C12orf54: variants seen among roughly 807,000 people sequenced by gnomAD.
The protein encoded by C12orf54 is chromosome 12 open reading frame 54.
A neutral mutation model predicts 26.4 loss-of-function variants in C12orf54; 24 were observed. That is an observed-to-expected ratio of 0.91 (90% CI 0.66 to 1.28). C12orf54 has a LOEUF of 1.28. Among genes scored for constraint, C12orf54 ranks in the 50% most tolerant of loss-of-function variants. The pLI, the probability that C12orf54 is intolerant of heterozygous loss-of-function variation, is 0.00. For missense variants in C12orf54, 154 were observed against 150.9 expected, an observed-to-expected ratio of 1.02 and a Z score of -0.11; for synonymous variants, 54 against 47.0, an observed-to-expected ratio of 1.15 and a Z score of -0.61.
chr12:48,473,899 G>C, the C12orf54 span, among the ~76,000 whole-genome samples: 1 of 152,138 alleles, frequency 6.6e-6, no homozygotes, highest in Non-Finnish European at 1.5e-5. Flanking sequence ...ACCCTGGTTT[G>C]TAAATAGCAA....
the C12orf54 span, among the ~76,000 whole-genome samples, chr12:48,475,198 A>C: frequency 1.1e-4 from 17 of 152,362 alleles, no homozygotes; most frequent in Admixed American, 1.0e-3. Flanking sequence ...TGTCTGTTAG[A>C]AGGAAAACTA....
At chr12:48,456,717 T>A in the C12orf54 span, among the ~76,000 whole-genome samples, 2 of 152,202 alleles carry the variant, frequency 1.3e-5, no homozygotes, top group Non-Finnish European at 2.9e-5. Context: ...AGCCCATTAG[T>A]GCTGTGTTAT....
the C12orf54 span, among the ~76,000 whole-genome samples, chr12:48,432,313 A>G: frequency 6.6e-6 from 1 of 152,220 alleles, no homozygotes. Flanking sequence ...GTAGTCCTCA[A>G]TAGAAGCAGA....
intron 6 of C12orf54, among the ~76,000 whole-genome samples, chr12:48,491,265 A>G (rs1323490904): frequency 6.6e-6 from 1 of 152,234 alleles, no homozygotes; most frequent in Admixed American, 6.5e-5. Context: ...CCCAGTTCAT[A>G]GACAACCAAC....
chr12:48,414,027 T>G, the C12orf54 span, among the ~76,000 whole-genome samples: 1 of 152,232 alleles, frequency 6.6e-6, no homozygotes, highest in Non-Finnish European at 1.5e-5. Context: ...ATCTTAGCCT[T>G]TTGTCCAAAA....
At chr12:48,479,434 G>A (rs1954176099), upstream of C12orf54, among the ~76,000 whole-genome samples, 1 of 151,996 alleles carries the variant, frequency 6.6e-6, no homozygotes, top group Non-Finnish European at 1.5e-5. Context: ...AATGGGTGCA[G>A]CACACCAACA....
chr12:48,476,457 G>T, the C12orf54 span, among the ~76,000 whole-genome samples: 1 of 152,122 alleles, frequency 6.6e-6, no homozygotes, highest in African/African-American at 2.4e-5. Flanking sequence ...TGGCAAATTG[G>T]ATAAAGAGTC....
the C12orf54 span, among the ~76,000 whole-genome samples, chr12:48,434,490 A>G: frequency 6.6e-6 from 1 of 152,202 alleles, no homozygotes; most frequent in South Asian, 2.1e-4. Context: ...ACCCCCAAGT[A>G]GCCTAACTAG....
chr12:48,447,060 C>T, the C12orf54 span, among the ~76,000 whole-genome samples: 1 of 152,152 alleles, frequency 6.6e-6, no homozygotes, highest in Non-Finnish European at 1.5e-5. Flanking sequence ...AAAGGATTTA[C>T]TACTGGCACA....
the C12orf54 span, among the ~76,000 whole-genome samples, chr12:48,474,623 C>T: frequency 2.6e-5 from 4 of 152,240 alleles, no homozygotes; most frequent in Non-Finnish European, 5.9e-5. Context: ...GGTCCTACGC[C>T]CACAGAGTCT....
chr12:48,427,607 G>T, the C12orf54 span, among the ~76,000 whole-genome samples: 2 of 152,076 alleles, frequency 1.3e-5, no homozygotes, highest in East Asian at 3.9e-4. Context: ...AAGTGGCCTT[G>T]TCCAACAGGA....
At chr12:48,460,008 T>G in the C12orf54 span, among the ~76,000 whole-genome samples, 1 of 152,186 alleles carries the variant, frequency 6.6e-6, no homozygotes, top group Non-Finnish European at 1.5e-5. Context: ...TAATCTTGTC[T>G]GGTCAAACTG....
At chr12:48,461,417 AACAACAGT>A in the C12orf54 span, among the ~76,000 whole-genome samples, 3 of 152,034 alleles carry the variant, frequency 2.0e-5, no homozygotes, top group South Asian at 6.2e-4. Context: ...TTCTCCACCC[AACAACAGT>A]ATAATACACA....
chr12:48,470,682 CA>C, the C12orf54 span, among the ~76,000 whole-genome samples: 1 of 137,436 alleles, frequency 7.3e-6, no homozygotes, highest in Admixed American at 7.9e-5. Flanking sequence ...CCCACTGGTC[CA>C]TTTTTTTTTG....
intron 3 of C12orf54, 62 bp downstream of exon 3, chr12:48,486,270 G>A (rs1954262643): frequency 2.0e-6 from 3 of 1,529,976 alleles, no homozygotes; most frequent in Admixed American, 1.7e-5. Flanking sequence ...GGAGAGGGGA[G>A]GAGAAGAGGT....
At chr12:48,426,799 T>G in the C12orf54 span, among the ~76,000 whole-genome samples, 1 of 152,156 alleles carries the variant, frequency 6.6e-6, no homozygotes, top group African/African-American at 2.4e-5. Context: ...ATCTTTCACC[T>G]CCCTGGTTAG....
rs7972785 is a variant in C12orf54 at position 48,483,273 on chromosome 12, T to C, written c.-24T>C. The C allele has an allele frequency of 0.42, 683,118 of 1,609,150 alleles. 153,097 individuals are homozygous for C. Among genetic ancestry groups the C allele is most frequent in the Middle Eastern group, 0.48 (2,912 of 6,048 alleles). On this transcript the variant is annotated 5_prime_UTR_variant, in exon 2 of 9. Coordinates refer to ENST00000548364, the MANE Select transcript of C12orf54 (RefSeq NM_152319.4). ...GCTATCTCCATCTTCAGCTCCAGAG[T>C]CCTTGGTTTCTGTCTGAGAACAAAT...
chr12:48,492,833 A>G, intron 6 of C12orf54, 114 bp from the exon 7 acceptor site: 1 of 910,158 alleles, frequency 1.1e-6, no homozygotes, highest in Non-Finnish European at 1.8e-6. Flanking sequence ...GTGTCCCTTC[A>G]AGTCTGGACC....
the C12orf54 span, among the ~76,000 whole-genome samples, chr12:48,443,432 CACTGACTTTT>C: frequency 6.6e-6 from 1 of 152,124 alleles, no homozygotes; most frequent in Admixed American, 6.5e-5. Flanking sequence ...AATTTCCATC[CACTGACTTTT>C]ACTTTTTCAA....
Sources: gnomAD v4.1 joint callset for allele counts (sites outside exome capture counted in the v4.1 genomes callset) on GRCh38, gnomAD v4.1.1 for gene constraint, MANE v1.5 for transcripts, NCBI Gene and HGNC (gene_info 2026-07-23, HGNC 2026-07-21) for gene names.